The following HDAC9 variants were observed in gnomAD, a reference collection of about 807,000 sequenced individuals.
HDAC9 encodes the protein histone deacetylase 9.
A neutral mutation model predicts 139.4 loss-of-function variants in HDAC9; 41 were observed. The observed-to-expected ratio is 0.29, with a 90% CI of 0.23 to 0.38. The LOEUF is 0.38. Ranked by LOEUF, HDAC9 falls within the 10% of genes least tolerant of loss-of-function variation. The pLI is 1.00. For synonymous variants in HDAC9, 517 were observed against 476.2 expected, an observed-to-expected ratio of 1.09 and a Z score of -1.12; for missense variants, 1,147 against 1,297.0, an observed-to-expected ratio of 0.88 and a Z score of 1.78.
At chr7:18,613,406 A>G (rs572302509) in intron 6 of HDAC9, among the ~76,000 whole-genome samples, 2 of 152,216 alleles carry the variant, frequency 1.3e-5, no homozygotes, top group African/African-American at 4.8e-5. Context: ...CTCTGAGCAC[A>G]TAGAGCGGAT....
chr7:18,143,976 C>G (rs1786103213), intron 1 of HDAC9, among the ~76,000 whole-genome samples: 1 of 152,088 alleles, frequency 6.6e-6, no homozygotes, highest in Non-Finnish European at 1.5e-5. Context: ...TCACAGTCTT[C>G]TCTATTGCTG....
chr7:18,900,055 A>G (rs977056069), intron 22 of HDAC9, among the ~76,000 whole-genome samples: 1 of 152,142 alleles, frequency 6.6e-6, no homozygotes, highest in African/African-American at 2.4e-5. Flanking sequence ...CGATATATTC[A>G]AAACAAAACA....
At chr7:18,223,343 T>A (rs568350956) in intron 2 of HDAC9, among the ~76,000 whole-genome samples, 1 of 152,226 alleles carries the variant, frequency 6.6e-6, no homozygotes, top group African/African-American at 2.4e-5. Flanking sequence ...CTTTTTTGCT[T>A]ATGGTTTCTG....
At chr7:18,439,313 T>C (rs1034712783) in intron 1 of HDAC9, among the ~76,000 whole-genome samples, 33 of 152,342 alleles carry the variant, frequency 2.2e-4, no homozygotes, top group African/African-American at 6.0e-4. Context: ...AACGGTTTTC[T>C]ATAAATACTG....
At chr7:18,364,040 T>C (rs930295299) in intron 1 of HDAC9, among the ~76,000 whole-genome samples, 1 of 152,194 alleles carries the variant, frequency 6.6e-6, no homozygotes, top group Non-Finnish European at 1.5e-5. Flanking sequence ...TGTCTATCTA[T>C]AAAATTTCCC....
intron 1 of HDAC9, among the ~76,000 whole-genome samples, chr7:18,122,926 C>A (rs2731560): frequency 0.8 from 121,869 of 152,152 alleles, 49,670 homozygotes; most frequent in Non-Finnish European, 0.88. Flanking sequence ...TCTATCATTA[C>A]ATACAAAGAT....
chr7:18,418,678 A>C (rs1789325376), intron 1 of HDAC9, among the ~76,000 whole-genome samples: 1 of 152,152 alleles, frequency 6.6e-6, no homozygotes, highest in South Asian at 2.1e-4. Context: ...TATTAGTGAT[A>C]AAATTTTATG....
intron 1 of HDAC9, among the ~76,000 whole-genome samples, chr7:18,364,349 G>T (rs1307512392): frequency 6.6e-6 from 1 of 151,956 alleles, no homozygotes; most frequent in Non-Finnish European, 1.5e-5. Flanking sequence ...TGCGGCACCG[G>T]CATATGATAA....
intron 13 of HDAC9, among the ~76,000 whole-genome samples, chr7:18,736,658 A>C (rs1786932603): frequency 6.6e-6 from 1 of 152,070 alleles, no homozygotes. Context: ...GAGGATATTC[A>C]CATTGATGTT....
chr7:18,241,246 G>A (rs1036272070), intron 2 of HDAC9, among the ~76,000 whole-genome samples: 2 of 152,190 alleles, frequency 1.3e-5, no homozygotes, highest in Non-Finnish European at 2.9e-5. Flanking sequence ...AGTATATACT[G>A]AAAATTCATA....
chr7:18,179,058 TGTATCTG>T (rs1789181600), intron 2 of HDAC9, among the ~76,000 whole-genome samples: 1 of 152,226 alleles, frequency 6.6e-6, no homozygotes, highest in South Asian at 2.1e-4. Context: ...TACTTTGGAA[TGTATCTG>T]GTCAAATGGA....
chr7:18,675,413 A>G (rs942603394), intron 12 of HDAC9, among the ~76,000 whole-genome samples: 1 of 152,088 alleles, frequency 6.6e-6, no homozygotes, highest in South Asian at 2.1e-4. Context: ...CAGGAATTCT[A>G]AATTTTTCTG....
intron 12 of HDAC9, among the ~76,000 whole-genome samples, chr7:18,677,103 C>A (rs1480041426): frequency 1.3e-5 from 2 of 151,724 alleles, no homozygotes; most frequent in Non-Finnish European, 2.9e-5. Context: ...CCAGAGAATT[C>A]CCTCCTGCCC....
At chr7:18,964,798 G>A (rs559272842) in intron 24 of HDAC9, among the ~76,000 whole-genome samples, 1 of 152,220 alleles carries the variant, frequency 6.6e-6, no homozygotes, top group South Asian at 2.1e-4. Context: ...GAACAGCATG[G>A]GGGACACCAC....
intron 6 of HDAC9, among the ~76,000 whole-genome samples, chr7:18,603,225 G>T (rs1019683433): frequency 6.6e-6 from 1 of 151,946 alleles, no homozygotes; most frequent in Non-Finnish European, 1.5e-5. Context: ...GTAATATGTA[G>T]TTAGAACGTC....
chr7:18,547,876 CCTCCCTCT>C (rs1199432732), intron 2 of HDAC9, among the ~76,000 whole-genome samples: 4 of 131,952 alleles, frequency 3.0e-5, no homozygotes, highest in Non-Finnish European at 5.0e-5. Flanking sequence ...TCCCTCCCTC[CCTCCCTCT>C]CTCCCTCTCT....
intron 1 of HDAC9, among the ~76,000 whole-genome samples, chr7:18,140,354 G>A (rs930575971): frequency 7.2e-5 from 11 of 151,968 alleles, no homozygotes; most frequent in Non-Finnish European, 1.6e-4. Flanking sequence ...TTTTAAAGAT[G>A]GAAACATCTG....
intron 1 of HDAC9, among the ~76,000 whole-genome samples, chr7:18,348,708 C>T (rs531174904): frequency 6.6e-6 from 1 of 152,276 alleles, no homozygotes; most frequent in African/African-American, 2.4e-5. Context: ...CACAAACTTT[C>T]TCCTTCTGCC....
intron 1 of HDAC9, among the ~76,000 whole-genome samples, chr7:18,357,331 G>A (rs1001839938): frequency 8.5e-5 from 13 of 152,094 alleles, no homozygotes; most frequent in South Asian, 2.1e-4. Context: ...TAAAAAAATC[G>A]TATTTGGGTG....
Sources: allele counts gnomAD v4.1 joint callset (sites outside exome capture counted in the v4.1 genomes callset), GRCh38; gene constraint gnomAD v4.1.1; transcripts MANE v1.5; gene names NCBI Gene and HGNC (gene_info 2026-07-23, HGNC 2026-07-21).